FAM169A: variants seen among roughly 807,000 people sequenced by gnomAD.
FAM169A encodes the protein soluble lamin-associated protein of 75 kDa.
FAM169A carries 24 observed loss-of-function variants against 75.7 expected under a neutral mutation model. That is an observed-to-expected ratio of 0.32 (90% CI 0.23 to 0.45). The LOEUF (loss-of-function observed/expected upper bound fraction) is 0.45, where lower values mean the gene tolerates loss of function less well. FAM169A is among the 20% of genes least tolerant of loss of function. The pLI is 1.00. For synonymous variants in FAM169A, 271 were observed against 271.0 expected, an observed-to-expected ratio of 1.00 and a Z score of 0.00; for missense variants, 673 against 784.0, an observed-to-expected ratio of 0.86 and a Z score of 1.69.
intron 11 of FAM169A, 63 bp from the exon 12 acceptor site, chr5:74,783,197 C>T: frequency 2.5e-6 from 3 of 1,203,892 alleles, no homozygotes; most frequent in South Asian, 2.7e-5. Context: ...ATTTGTCATG[C>T]ATGACGGGTC....
intron 1 of FAM169A, among the ~76,000 whole-genome samples, chr5:74,847,346 G>A (rs1749209395): frequency 7.1e-6 from 1 of 140,126 alleles, no homozygotes; most frequent in African/African-American, 2.7e-5. Flanking sequence ...TCTACGAATT[G>A]GACTATTCTA....
At chr5:74,860,129 A>C (rs1210424278) in intron 1 of FAM169A, among the ~76,000 whole-genome samples, 4 of 152,244 alleles carry the variant, frequency 2.6e-5, no homozygotes, top group African/African-American at 9.6e-5. Flanking sequence ...TCTTAATAAA[A>C]GGCAGCTAGA....
intron 4 of FAM169A, among the ~76,000 whole-genome samples, chr5:74,838,340 T>C (rs1748678623): frequency 6.6e-6 from 1 of 152,190 alleles, no homozygotes; most frequent in East Asian, 1.9e-4. Flanking sequence ...TCATCTTTTT[T>C]TATTATGCCC....
intron 11 of FAM169A, 39 bp from the exon 12 acceptor site, chr5:74,783,173 T>C (rs776491459): frequency 1.4e-6 from 2 of 1,458,926 alleles, no homozygotes; most frequent in Non-Finnish European, 1.9e-6. Context: ...AAGGACATGA[T>C]TACAAACTAA....
Position 74,783,097 on chromosome 5 carries a change from T to C in FAM169A, c.1298A>G (p.Asp433Gly). The C allele has an allele frequency of 1.9e-6, 3 of 1,613,672 alleles. No homozygotes were observed. The highest frequency in any genetic ancestry group is 2.5e-6 in the Non-Finnish European group (3 of 1,179,660). Residue 433 changes from aspartate to glycine, a missense_variant, in exon 12 of 13, where the codon GAC becomes GGC. By Grantham distance (94) the Asp-to-Gly change is moderately conservative (BLOSUM62 -1). Around this residue, in one of 3 missense-constraint regions of FAM169A, gnomAD observed 510 missense variants for 550.9 expected, o/e 0.93. Coordinates refer to ENST00000687041, the MANE Select transcript of FAM169A (RefSeq NM_001376049.1). ...TATAAGTGAGGTCTTAAGAGAATCGTCCATTATCTCACCATTCATAGGCTC... is the reference window on the plus strand; with the variant it reads ...TATAAGTGAGGTCTTAAGAGAATCGCCCATTATCTCACCATTCATAGGCTC... ...ELEPMNGEIM[D>G]DSLKTSLITE...
At chr5:74,822,870 C>T (rs1747832839) in intron 5 of FAM169A, among the ~76,000 whole-genome samples, 2 of 152,102 alleles carry the variant, frequency 1.3e-5, no homozygotes, top group Admixed American at 6.6e-5. Flanking sequence ...CCTAAGCACC[C>T]AAGCCAAAGC....
At chr5:74,856,023 A>G (rs1430279005) in intron 1 of FAM169A, among the ~76,000 whole-genome samples, 2 of 152,198 alleles carry the variant, frequency 1.3e-5, no homozygotes, top group Non-Finnish European at 2.9e-5. Flanking sequence ...TCCCAGCACC[A>G]TTTATTAAAG....
intron 5 of FAM169A, among the ~76,000 whole-genome samples, chr5:74,821,495 A>C (rs1747763813): frequency 6.6e-6 from 1 of 152,328 alleles, no homozygotes; most frequent in South Asian, 2.1e-4. Flanking sequence ...ACATACATAA[A>C]GTGAATTTCA....
chr5:74,835,628 C>G (rs1404127724), intron 4 of FAM169A, among the ~76,000 whole-genome samples: 1 of 138,812 alleles, frequency 7.2e-6, no homozygotes, highest in East Asian at 2.1e-4. Flanking sequence ...AAAAAAAAAT[C>G]TGTACATAAG....
chr5:74,803,727 G>A (rs563733627), intron 8 of FAM169A, among the ~76,000 whole-genome samples: 2 of 152,262 alleles, frequency 1.3e-5, no homozygotes, highest in South Asian at 4.1e-4. Flanking sequence ...TGTGGAGTTT[G>A]GTAACGGGAC....
At chr5:74,832,478 T>C (rs1427054826) in intron 5 of FAM169A, among the ~76,000 whole-genome samples, 1 of 151,692 alleles carries the variant, frequency 6.6e-6, no homozygotes, top group Admixed American at 6.6e-5. Flanking sequence ...TTAAAAATCA[T>C]AAATAATAAA....
chr5:74,846,343 C>T (rs532199818), intron 1 of FAM169A, among the ~76,000 whole-genome samples: 2 of 152,186 alleles, frequency 1.3e-5, no homozygotes, highest in South Asian at 4.2e-4. Flanking sequence ...AAGACTGCTG[C>T]CAGAAACTCT....
upstream of FAM169A, chr5:74,866,531 C>G (rs1463855340): frequency 1.7e-6 from 1 of 572,686 alleles, no homozygotes; most frequent in Non-Finnish European, 2.2e-6. Context: ...AGGCGCCGGC[C>G]CGGCAGGTGC....
intron 1 of FAM169A, among the ~76,000 whole-genome samples, chr5:74,845,394 TGTA>T (rs1749101937): frequency 6.6e-6 from 1 of 152,070 alleles, no homozygotes; most frequent in African/African-American, 2.4e-5. Flanking sequence ...AGTGCGTGTC[TGTA>T]GTCCCAGCTA....
intron 5 of FAM169A, among the ~76,000 whole-genome samples, chr5:74,821,610 T>C (rs1747769587): frequency 1.3e-5 from 2 of 152,216 alleles, no homozygotes; most frequent in African/African-American, 4.8e-5. Flanking sequence ...TCATGCTCTA[T>C]AAATTAGTTA....
chr5:74,847,362 A>G (rs1319909939), intron 1 of FAM169A, among the ~76,000 whole-genome samples: 1 of 151,574 alleles, frequency 6.6e-6, no homozygotes, highest in Non-Finnish European at 1.5e-5. Context: ...TTCTAGGAAC[A>G]TTTTAAGTGA....
chr5:74,855,362 A>G (rs985370818), intron 1 of FAM169A, among the ~76,000 whole-genome samples: 1 of 152,024 alleles, frequency 6.6e-6, no homozygotes, highest in African/African-American at 2.4e-5. Context: ...TGTTCAGCTA[A>G]TTTTTTGGTA....
intron 5 of FAM169A, among the ~76,000 whole-genome samples, chr5:74,819,300 G>T (rs1747651951): frequency 6.6e-6 from 1 of 151,536 alleles, no homozygotes; most frequent in Non-Finnish European, 1.5e-5. Flanking sequence ...CACGCAAAAA[G>T]ATGCTCAACA....
intron 5 of FAM169A, among the ~76,000 whole-genome samples, chr5:74,830,819 G>T (rs558254882): frequency 6.6e-6 from 1 of 152,120 alleles, no homozygotes; most frequent in African/African-American, 2.4e-5. Context: ...CCAAAATATT[G>T]ATATATAAAT....
Sources: gnomAD v4.1 joint callset for allele counts (sites outside exome capture counted in the v4.1 genomes callset) on GRCh38, gnomAD v4.1.1 for gene constraint, gnomAD v4.1.1 regional missense constraint, MANE v1.5 for transcripts, NCBI Gene and HGNC (gene_info 2026-07-23, HGNC 2026-07-21) for gene names.